MINAR2: variants seen among roughly 807,000 people sequenced by gnomAD.
MINAR2 encodes the protein membrane integral NOTCH2 associated receptor 2, also known as major intrinsically disordered NOTCH2-binding receptor 1-like.
MINAR2 carries 21 observed loss-of-function variants against 16.1 expected under a neutral mutation model. That is an observed-to-expected ratio of 1.31 (90% CI 0.93 to 1.88). The LOEUF (loss-of-function observed/expected upper bound fraction) is 1.88. Ranked by LOEUF, MINAR2 falls within the 40% of genes most tolerant of loss-of-function variation. MINAR2 has a pLI of 0.00. For missense variants in MINAR2, 259 were observed against 229.8 expected (o/e 1.13, Z -0.82); for synonymous variants, 86 against 83.0 (o/e 1.04, Z -0.20).
chr5:129,764,924 A>G lies in MINAR2; in HGVS notation c.434A>G (p.Tyr145Cys), dbSNP rs1379455557. Residue 145 changes from tyrosine to cysteine, a missense_variant, in exon 3 of 3, where the codon TAC becomes TGC. Physicochemically the swap from Tyr to Cys is radical, Grantham distance 194. Coordinates refer to ENST00000564719, the MANE Select transcript of MINAR2 (RefSeq NM_001257308.2). ...CTGCGGTTTTGGTTGGGAGACATGT[A>G]CACTCCAGGTTTTGACACTTTATTG... Reference protein sequence around the residue: ...NDLRFWLGDMYTPGFDTLLKK... With the variant: ...NDLRFWLGDMCTPGFDTLLKK... 8.0e-6 allele frequency: 11 copies of G among 1,367,764 alleles called. No homozygotes were observed. Among genetic ancestry groups the G allele is most frequent in the Non-Finnish European group, 1.0e-5 (11 of 1,061,988 alleles). 84.7% of individuals were successfully genotyped at this position (1,367,764 alleles called of 1,614,324 possible). A position where few individuals can be genotyped will look rare whatever the true frequency, so the allele number is the denominator to read the frequency against.
intron 1 of MINAR2, among the ~76,000 whole-genome samples, chr5:129,759,464 T>C (rs537208097): frequency 1.4e-4 from 22 of 152,278 alleles, no homozygotes; most frequent in Non-Finnish European, 2.9e-4. Flanking sequence ...AATTTCTACC[T>C]TCATGATAGC....
intron 1 of MINAR2, among the ~76,000 whole-genome samples, chr5:129,757,589 T>C (rs1254154696): frequency 6.6e-6 from 1 of 152,038 alleles, no homozygotes; most frequent in Non-Finnish European, 1.5e-5. Flanking sequence ...TATTCTTTTT[T>C]TGTAGTCTTT....
At chr5:129,748,803 G>A (rs1757949954) in intron 1 of MINAR2, among the ~76,000 whole-genome samples, 1 of 152,040 alleles carries the variant, frequency 6.6e-6, no homozygotes, top group African/African-American at 2.4e-5. Context: ...CCTTAGACTA[G>A]CTCCCTTTCA....
intron 1 of MINAR2, among the ~76,000 whole-genome samples, chr5:129,751,482 T>C (rs1350600125): frequency 7.2e-5 from 11 of 152,168 alleles, no homozygotes; most frequent in African/African-American, 2.2e-4. Flanking sequence ...TGCTCAATTA[T>C]AGGCATGAGT....
At position 129,765,441 on chromosome 5, in the gene MINAR2, T is replaced by C. The variant is rs1758199918; in HGVS notation, c.*378T>C. The stretch of plus-strand genomic sequence containing the variant: ...TATATTAACCTTGTTTTAAAAATAC[T>C]GTTAACTCTTTACCACCTCATCCTC... On this transcript the variant is annotated 3_prime_UTR_variant, in exon 3 of 3. Coordinates refer to ENST00000564719, the MANE Select transcript of MINAR2 (RefSeq NM_001257308.2). The C allele has an allele frequency of 6.3e-6, 1 of 159,714 alleles. No homozygotes were observed. Among genetic ancestry groups the C allele is most frequent in the Non-Finnish European group, 1.4e-5 (1 of 73,354 alleles). 9.9% of individuals were successfully genotyped at this position (159,714 alleles called of 1,614,324 possible). A position where few individuals can be genotyped will look rare whatever the true frequency, so the allele number is the denominator to read the frequency against.
intron 1 of MINAR2, among the ~76,000 whole-genome samples, chr5:129,753,830 AAG>A (rs973662575): frequency 2.6e-5 from 4 of 151,982 alleles, no homozygotes; most frequent in Admixed American, 1.3e-4. Context: ...GAAGAAGAAA[AAG>A]AGAAAGAAAG....
intron 1 of MINAR2, among the ~76,000 whole-genome samples, chr5:129,749,036 GAGA>G (rs1199272149): frequency 6.6e-6 from 1 of 152,066 alleles, no homozygotes; most frequent in Non-Finnish European, 1.5e-5. Flanking sequence ...CTGACCAAAA[GAGA>G]AGAATAAAAC....
chr5:129,761,944 C>A (rs936504391), intron 2 of MINAR2, among the ~76,000 whole-genome samples: 1 of 151,770 alleles, frequency 6.6e-6, no homozygotes, highest in Non-Finnish European at 1.5e-5. Flanking sequence ...TGTTCTAACT[C>A]ATAAGTGGGA....
At chr5:129,754,124 C>T (rs1273080120) in intron 1 of MINAR2, among the ~76,000 whole-genome samples, 1 of 152,054 alleles carries the variant, frequency 6.6e-6, no homozygotes, top group African/African-American at 2.4e-5. Context: ...TTAAAGGTAC[C>T]TTGTATGTTA....
rs1757963593 is a variant in MINAR2, at chr5:129,749,735, T to C, written c.165+1380T>C. Among the ~76,000 whole-genome samples, 7 of 152,162 alleles carry C rather than the reference T, an allele frequency of 4.6e-5. No homozygotes were observed. The South Asian group carries it at 1.4e-3, about 32-fold the overall frequency. On this transcript the variant is annotated intron_variant, in intron 1 of 2. Transcript: ENST00000564719. Reference sequence around the variant, plus strand: ...ACATATCCAATAAATTCCTTTGAGGTTGGAACACATTGATCTAACATCTTT... The same window carrying C: ...ACATATCCAATAAATTCCTTTGAGGCTGGAACACATTGATCTAACATCTTT...
chr5:129,766,201 AC>A lies in MINAR2; in HGVS notation c.*1141del, dbSNP rs1448888265. On this transcript the variant is annotated 3_prime_UTR_variant, in exon 3 of 3. Transcript: ENST00000564719. Reference sequence around the variant, plus strand: ...CCCACTCTTTTCTCATCTTTAAACAACCCAGCCAAAGGCTATCTTATGCAAG... The same window carrying A: ...CCCACTCTTTTCTCATCTTTAAACAACCAGCCAAAGGCTATCTTATGCAAG... 20 of 152,052 alleles carry A rather than the reference AC, an allele frequency of 1.3e-4. No individual in the cohort carries two copies. Among genetic ancestry groups the A allele is most frequent in the Admixed American group, 1.3e-3 (20 of 15,270 alleles). The allele number at this position is 152,052 out of a possible 1,614,324, so 9.4% of individuals were successfully genotyped here.
chr5:129,748,305 G>A lies in MINAR2; in HGVS notation c.115G>A (p.Gly39Ser). Residue 39 changes from glycine (G) to serine (S), a missense_variant, in exon 1 of 3, where the codon GGT becomes AGT. Physicochemically the swap from Gly to Ser is moderately conservative, Grantham distance 56. Coordinates refer to ENST00000564719, the MANE Select transcript of MINAR2 (RefSeq NM_001257308.2). ...TCAGGCCAGCCTGGTGAGGTTTCCG[G>A]GTGGAAATTATCCTGCTGCACAACA... The part of the protein sequence containing the change: ...LLQASLVRFP[G>S]GNYPAAQHWQ... 1 of 1,535,192 alleles carries A rather than the reference G, an allele frequency of 6.5e-7. No homozygotes were observed.
intron 2 of MINAR2, among the ~76,000 whole-genome samples, chr5:129,761,131 C>T (rs1208291934): frequency 1.3e-5 from 2 of 152,184 alleles, no homozygotes; most frequent in African/African-American, 4.8e-5. Context: ...AAAACAAAAA[C>T]ATTTCAACAC....
rs112463837 is a variant in MINAR2, at chr5:129,753,919, G to A, written c.165+5564G>A. On this transcript the variant is annotated intron_variant, in intron 1 of 2. Transcript: ENST00000564719. ...CTAAGCTTATATTGGATGACAATGT[G>A]GTACTTTGCAGGTGCTTATATTATC... is the stretch of plus-strand genomic sequence containing the variant. Among the ~76,000 whole-genome samples, 8 of 152,258 alleles carry A rather than the reference G, an allele frequency of 5.3e-5. 2 individuals carry two copies. Among genetic ancestry groups the A allele is most frequent in the African/African-American group, 1.9e-4 (8 of 41,524 alleles).
chr5:129,754,722 T>C (rs1442338853), intron 1 of MINAR2, among the ~76,000 whole-genome samples: 1 of 152,214 alleles, frequency 6.6e-6, no homozygotes, highest in Non-Finnish European at 1.5e-5. Flanking sequence ...CTATTGATCA[T>C]TATATACTGA....
At chr5:129,749,418 A>G (rs971273247) in intron 1 of MINAR2, among the ~76,000 whole-genome samples, 2 of 152,204 alleles carry the variant, frequency 1.3e-5, no homozygotes, top group African/African-American at 2.4e-5. Context: ...TGTTTCCTCC[A>G]CCTATAAGGA....
chr5:129,761,325 T>C (rs902232613), intron 2 of MINAR2, among the ~76,000 whole-genome samples: 2 of 152,174 alleles, frequency 1.3e-5, no homozygotes, highest in Non-Finnish European at 2.9e-5. Flanking sequence ...TGCCTCCACC[T>C]GCCCTAGGCC....
At position 129,765,260 on chromosome 5, in the gene MINAR2, T is replaced by C. The variant is rs1363472; in HGVS notation, c.*197T>C. On this transcript the variant is annotated 3_prime_UTR_variant, in exon 3 of 3. Coordinates refer to ENST00000564719, the MANE Select transcript of MINAR2 (RefSeq NM_001257308.2). ...ATGCTGGCTTCTCCACTTTGTTCTA[T>C]AAAAGCTTTCTAAGAGTGCCACCCT... 68,724 of 393,410 alleles carry C rather than the reference T, an allele frequency of 0.17. 6,838 individuals are homozygous for C. Among genetic ancestry groups the C allele is most frequent in the East Asian group, 0.34 (9,186 of 27,166 alleles). 24.4% of individuals were successfully genotyped at this position (393,410 alleles called of 1,614,324 possible). A position where few individuals can be genotyped will look rare whatever the true frequency, so the allele number is the denominator to read the frequency against.
At chr5:129,755,425 G>A (rs999806398) in intron 1 of MINAR2, among the ~76,000 whole-genome samples, 8 of 152,044 alleles carry the variant, frequency 5.3e-5, no homozygotes, top group Non-Finnish European at 1.0e-4. Flanking sequence ...AATGGTAGAA[G>A]TTGACTGCAA....
Sources: allele counts gnomAD v4.1 joint callset (sites outside exome capture counted in the v4.1 genomes callset), GRCh38; gene constraint gnomAD v4.1.1; transcripts MANE v1.5; gene names NCBI Gene and HGNC (gene_info 2026-07-23, HGNC 2026-07-21).